GALNT18: variants seen among roughly 807,000 people sequenced by gnomAD.
GALNT18 encodes GalNAc-transferase 18.
In GALNT18, 44 loss-of-function variants were observed where a neutral mutation model predicts 69.5. That is an observed-to-expected ratio of 0.63 (90% CI 0.50 to 0.81). The LOEUF (loss-of-function observed/expected upper bound fraction) is 0.81, where lower values mean the gene tolerates loss of function less well. Among genes scored for constraint, GALNT18 ranks in the 40% least tolerant of loss-of-function variants. The pLI, the probability that GALNT18 is intolerant of heterozygous loss-of-function variation, is 0.00. For synonymous variants in GALNT18, 364 were observed against 318.2 expected (o/e 1.14, Z -1.53); for missense variants, 715 against 810.0 (o/e 0.88, Z 1.42).
intron 1 of GALNT18, among the ~76,000 whole-genome samples, chr11:11,529,345 G>T (rs1402624478): frequency 6.6e-6 from 1 of 152,162 alleles, no homozygotes; most frequent in Non-Finnish European, 1.5e-5. Flanking sequence ...AGAACAAAAG[G>T]CTGACCCTTC....
At chr11:11,292,993 A>T (rs753533517) in intron 10 of GALNT18, 36 bp downstream of exon 10, 1 of 1,334,882 alleles carries the variant, frequency 7.5e-7, no homozygotes, top group Non-Finnish European at 9.7e-7. Context: ...GTTTTCCACG[A>T]TGGCTGCCAC....
Position 11,614,558 on chromosome 11 carries a change from A to C in GALNT18, c.235+6801T>G, listed in dbSNP as rs948453441. On this transcript the variant is annotated intron_variant, in intron 1 of 10. Coordinates refer to ENST00000227756, the MANE Select transcript of GALNT18 (RefSeq NM_198516.3). The surrounding 1 kb of genome is among the most constrained non-coding windows in gnomAD (Gnocchi z 5.6). ...GACCACATTTCAACATGAGATTTGGAGGGTACAAACATTCAAGCATATCAA... is the reference window on the plus strand; with the variant it reads ...GACCACATTTCAACATGAGATTTGGCGGGTACAAACATTCAAGCATATCAA... Among the ~76,000 whole-genome samples the C allele has an allele frequency of 5.9e-5, 9 of 152,298 alleles. No individual in the cohort carries two copies. The highest frequency in any genetic ancestry group is 2.2e-4 in the African/African-American group (9 of 41,560).
At chr11:11,360,505 C>T (rs910613895) in intron 6 of GALNT18, among the ~76,000 whole-genome samples, 2 of 152,100 alleles carry the variant, frequency 1.3e-5, no homozygotes, top group South Asian at 2.1e-4. Flanking sequence ...AAAATATTTC[C>T]GTCTATACTA....
At position 11,587,816 on chromosome 11, in the gene GALNT18, T is replaced by C. The variant is rs988392507; in HGVS notation, c.235+33543A>G. Reference sequence around the variant, plus strand: ...CCCATCTCTAGCCCCCACCCTTTCATTTCATGAACCTCTTCTATGGTCCAA... The same window carrying C: ...CCCATCTCTAGCCCCCACCCTTTCACTTCATGAACCTCTTCTATGGTCCAA... On this transcript the variant is annotated intron_variant, in intron 1 of 10. Transcript: ENST00000227756. The surrounding 1 kb of genome is among the most constrained non-coding windows in gnomAD (Gnocchi z 4.4). Among the ~76,000 whole-genome samples the C allele has an allele frequency of 6.6e-6, 1 of 152,020 alleles. No individual in the cohort carries two copies. The highest frequency in any genetic ancestry group is 1.9e-4 in the East Asian group (1 of 5,166).
chr11:11,585,151 T>C (rs796917244), intron 1 of GALNT18, among the ~76,000 whole-genome samples: 11 of 152,268 alleles, frequency 7.2e-5, no homozygotes, highest in African/African-American at 2.6e-4. Context: ...ATAAAAGATA[T>C]AAGCAAAGTA....
At chr11:11,301,185 G>A (rs112852710) in intron 9 of GALNT18, among the ~76,000 whole-genome samples, 13 of 152,298 alleles carry the variant, frequency 8.5e-5, no homozygotes, top group Non-Finnish European at 1.8e-4. Flanking sequence ...AGGTCTGCAG[G>A]TAGGAGTCAT....
At chr11:11,303,122 A>G (rs373219329) in intron 9 of GALNT18, among the ~76,000 whole-genome samples, 1 of 151,862 alleles carries the variant, frequency 6.6e-6, no homozygotes, top group Non-Finnish European at 1.5e-5. Context: ...AACCTCCTCT[A>G]TTGGCCCCTG....
At chr11:11,352,653 T>C (rs1195300190) in intron 6 of GALNT18, 13 of 1,614,184 alleles carry the variant, frequency 8.1e-6, no homozygotes, top group Non-Finnish European at 1.0e-5. Context: ...GGGCTTGACA[T>C]CTCTGTGCAT....
rs1236324821 is a variant in GALNT18 at position 11,598,640 on chromosome 11, T to C, written c.235+22719A>G. 6.6e-6 allele frequency among the ~76,000 whole-genome samples: 1 copy of C among 152,242 alleles called. No homozygotes were observed. Among genetic ancestry groups the C allele is most frequent in the Non-Finnish European group, 1.5e-5 (1 of 68,040 alleles). ...ATAAAATATTTACCAGTCCCAGGGA[T>C]TGGAACATGGATATCTTTTGGAGAA... On this transcript the variant is annotated intron_variant, in intron 1 of 10. Transcript: ENST00000227756. The surrounding 1 kb of genome is among the most constrained non-coding windows in gnomAD (Gnocchi z 4.8).
chr11:11,581,376 G>A (rs139098710), intron 1 of GALNT18, among the ~76,000 whole-genome samples: 2 of 152,352 alleles, frequency 1.3e-5, no homozygotes, highest in East Asian at 3.9e-4. Context: ...TGCTGGTCAT[G>A]TGTGATTCCT....
At chr11:11,438,080 G>A (rs1000822999) in intron 2 of GALNT18, among the ~76,000 whole-genome samples, 1 of 152,202 alleles carries the variant, frequency 6.6e-6, no homozygotes, top group Non-Finnish European at 1.5e-5. Flanking sequence ...CTGGCCCCAG[G>A]ATCGGCACTG....
chr11:11,584,114 A>G lies in GALNT18; in HGVS notation c.235+37245T>C, dbSNP rs1046207524. On this transcript the variant is annotated intron_variant, in intron 1 of 10. Coordinates refer to ENST00000227756, the MANE Select transcript of GALNT18 (RefSeq NM_198516.3). The surrounding 1 kb of genome is among the most constrained non-coding windows in gnomAD (Gnocchi z 4.1). ...GATAAGAGGACATACGGAGAGAAGT[A>G]AAAAGGGGAAGTAGAAGAAGCGGCC... is the stretch of plus-strand genomic sequence containing the variant. Among the ~76,000 whole-genome samples, 15 of 152,058 alleles carry G rather than the reference A, an allele frequency of 9.9e-5. No individual in the cohort carries two copies. Among genetic ancestry groups the G allele is most frequent in the African/African-American group, 3.1e-4 (13 of 41,414 alleles).
At chr11:11,335,603 T>A (rs1850097791) in intron 7 of GALNT18, among the ~76,000 whole-genome samples, 1 of 152,188 alleles carries the variant, frequency 6.6e-6, no homozygotes, top group Non-Finnish European at 1.5e-5. Context: ...GGAACCAGGG[T>A]CTTTGCAGAT....
intron 7 of GALNT18, among the ~76,000 whole-genome samples, chr11:11,336,220 T>C (rs2133052573): frequency 1.3e-5 from 2 of 152,300 alleles, no homozygotes; most frequent in South Asian, 4.1e-4. Context: ...TGTTTATTGA[T>C]AAACAAACTG....
At chr11:11,399,544 AAAC>A (rs1208937354) in intron 3 of GALNT18, among the ~76,000 whole-genome samples, 5 of 152,212 alleles carry the variant, frequency 3.3e-5, no homozygotes, top group African/African-American at 7.2e-5. Flanking sequence ...GAACACATGT[AAAC>A]AACAACAACA....
At chr11:11,507,574 T>C (rs1476615598) in intron 1 of GALNT18, among the ~76,000 whole-genome samples, 1 of 152,238 alleles carries the variant, frequency 6.6e-6, no homozygotes, top group Non-Finnish European at 1.5e-5. Context: ...CCAAGCTTTA[T>C]ATGCACAAAG....
At chr11:11,493,808 T>C (rs948359449) in intron 1 of GALNT18, among the ~76,000 whole-genome samples, 2 of 152,150 alleles carry the variant, frequency 1.3e-5, no homozygotes, top group Non-Finnish European at 2.9e-5. Context: ...TTTGTCTGTT[T>C]GTGGCTTGAG....
intron 6 of GALNT18, among the ~76,000 whole-genome samples, chr11:11,370,729 A>C (rs1306470920): frequency 6.6e-6 from 1 of 152,170 alleles, no homozygotes; most frequent in African/African-American, 2.4e-5. Context: ...TAATCTAAGG[A>C]AGGAAAAGCC....
chr11:11,346,206 T>C (rs879787003), intron 6 of GALNT18, among the ~76,000 whole-genome samples: 1 of 152,228 alleles, frequency 6.6e-6, no homozygotes, highest in Non-Finnish European at 1.5e-5. Flanking sequence ...TAAATGTCTG[T>C]CTCCCTTCAC....
Sources: gnomAD v4.1 joint callset for allele counts (sites outside exome capture counted in the v4.1 genomes callset) on GRCh38, gnomAD v4.1.1 for gene constraint, Gnocchi (gnomAD v3.1) non-coding constraint, MANE v1.5 for transcripts, NCBI Gene and HGNC (gene_info 2026-07-23, HGNC 2026-07-21) for gene names.